The following DOCK2 variants were observed in gnomAD, a reference collection of about 807,000 sequenced individuals.
DOCK2 encodes the protein dedicator of cytokinesis 2.
A neutral mutation model predicts 248.9 loss-of-function variants in DOCK2; 87 were observed. The observed-to-expected ratio is 0.35, with a 90% CI of 0.29 to 0.42. DOCK2 has a LOEUF of 0.42. DOCK2 is among the 10% of genes least tolerant of loss of function. The probability of loss-of-function intolerance (pLI) is 1.00; values close to 1 mark genes in which losing one functional copy is unlikely to be tolerated. For missense variants in DOCK2, 1,747 were observed against 2,300.2 expected (o/e 0.76, Z 4.92); for synonymous variants, 805 against 821.6 (o/e 0.98, Z 0.35).
At chr5:169,962,896 C>A (rs1413388423) in intron 27 of DOCK2, among the ~76,000 whole-genome samples, 2 of 152,080 alleles carry the variant, frequency 1.3e-5, no homozygotes, top group Admixed American at 1.3e-4. Context: ...CCTTAGCTCC[C>A]CTGTCCCTGC....
intron 27 of DOCK2, among the ~76,000 whole-genome samples, chr5:169,898,601 A>G (rs929693377): frequency 1.3e-5 from 2 of 152,188 alleles, no homozygotes; most frequent in Admixed American, 1.3e-4. Context: ...AAAGAATGAC[A>G]GTTAAGCTCT....
chr5:169,975,776 T>C (rs2113773273), intron 27 of DOCK2, among the ~76,000 whole-genome samples: 1 of 152,362 alleles, frequency 6.6e-6, no homozygotes, highest in African/African-American at 2.4e-5. Context: ...GTTTAAAGTG[T>C]GTTCCCTCTG....
At chr5:169,772,118 G>A (rs984271510) in intron 25 of DOCK2, among the ~76,000 whole-genome samples, 2 of 152,186 alleles carry the variant, frequency 1.3e-5, no homozygotes, top group African/African-American at 4.8e-5. Context: ...GGACAGGGTT[G>A]CTGTAGACTG....
At chr5:169,855,469 G>A (rs971268221) in intron 27 of DOCK2, among the ~76,000 whole-genome samples, 2 of 152,192 alleles carry the variant, frequency 1.3e-5, no homozygotes, top group Non-Finnish European at 1.5e-5. Flanking sequence ...CTAGAGTGGC[G>A]TTAGATTATA....
rs776532282 is a variant in DOCK2 at position 169,996,086 on chromosome 5, G to A, written c.2994G>A (p.Arg998=). ...DWMAMSMVQN[R]VFLRAINKFA... ...CTGGTAATTTTCTGCCCTCTTCCAG[G>A]GTCTTCCTGAGAGCTATCAACAAGT... The change falls in exon 30 of 52, where the codon AGG becomes AGA. Residue 998 remains arginine (R), a splice_region_variant and synonymous_variant. Coordinates refer to ENST00000520908, the MANE Select transcript of DOCK2 (RefSeq NM_004946.3). 1 of 1,613,698 alleles carries A rather than the reference G, an allele frequency of 6.2e-7. No individual in the cohort carries two copies.
chr5:169,674,137 C>A (rs1310878699), intron 5 of DOCK2, among the ~76,000 whole-genome samples, 160 bp from the exon 6 acceptor site: 1 of 152,320 alleles, frequency 6.6e-6, no homozygotes, highest in East Asian at 1.9e-4. Flanking sequence ...AATACATCAA[C>A]GACTAGGACC....
intron 27 of DOCK2, among the ~76,000 whole-genome samples, chr5:169,853,287 G>A (rs192450469): frequency 6.6e-6 from 1 of 152,162 alleles, no homozygotes; most frequent in Admixed American, 6.5e-5. Flanking sequence ...CAGGAAAATG[G>A]ACTAATCCAC....
intron 17 of DOCK2, among the ~76,000 whole-genome samples, chr5:169,713,741 G>A (rs936503335): frequency 6.6e-6 from 1 of 152,290 alleles, no homozygotes; most frequent in Middle Eastern, 3.4e-3. Flanking sequence ...GAATTAAAAT[G>A]TACTGTCTGG....
chr5:169,698,406 G>T lies in DOCK2; in HGVS notation c.1012G>T (p.Ala338Ser), dbSNP rs776313136. The T allele has an allele frequency of 1.2e-6, 2 of 1,614,132 alleles. No homozygotes were observed. The highest frequency in any genetic ancestry group is 1.7e-6 in the Non-Finnish European group (2 of 1,179,956). Residue 338 changes from alanine to serine, a missense_variant, in exon 11 of 52, where the codon GCA becomes TCA. By Grantham distance (99) the Ala-to-Ser change is moderately conservative. Transcript: ENST00000520908. The stretch of plus-strand genomic sequence containing the variant: ...TATAACAGACATCATCAAGGGGAAA[G>T]CAGAGAGTGATGAAGAAAAGCAGCA... ...MDITDIIKGK[A>S]ESDEEKQHFI... is the part of the protein sequence containing the mutation.
At chr5:169,651,221 T>C (rs1005781357) in intron 1 of DOCK2, among the ~76,000 whole-genome samples, 1 of 152,234 alleles carries the variant, frequency 6.6e-6, no homozygotes, top group Admixed American at 6.5e-5. Context: ...CAGTCATGTC[T>C]GCTTTTCTTC....
intron 2 of DOCK2, among the ~76,000 whole-genome samples, chr5:169,655,341 G>A (rs1758047370): frequency 6.6e-6 from 1 of 152,208 alleles, no homozygotes; most frequent in South Asian, 2.1e-4. Flanking sequence ...AGAGGAAGAA[G>A]AGAGAGTGTA....
chr5:169,995,173 C>CGT (rs908777744), intron 29 of DOCK2, among the ~76,000 whole-genome samples: 9 of 151,816 alleles, frequency 5.9e-5, no homozygotes, highest in Non-Finnish European at 1.3e-4. Flanking sequence ...GGATTACTGG[C>CGT]GTGCACCACA....
At chr5:169,992,718 C>T (rs1035135927) in intron 29 of DOCK2, among the ~76,000 whole-genome samples, 4 of 152,146 alleles carry the variant, frequency 2.6e-5, no homozygotes, top group Non-Finnish European at 5.9e-5. Context: ...CCATCTCGGC[C>T]TCCCAAAGTG....
At chr5:170,082,174 G>T (rs1462747307) in intron 51 of DOCK2, among the ~76,000 whole-genome samples, 190 bp downstream of exon 51, 1 of 152,130 alleles carries the variant, frequency 6.6e-6, no homozygotes, top group African/African-American at 2.4e-5. Flanking sequence ...TGGGGCCTCA[G>T]GCAGCTCCTC....
At chr5:169,815,387 T>C (rs1768001970) in intron 26 of DOCK2, among the ~76,000 whole-genome samples, 1 of 152,232 alleles carries the variant, frequency 6.6e-6, no homozygotes, top group Non-Finnish European at 1.5e-5. Context: ...TATTGCATTA[T>C]CTGCCATTAC....
Position 169,949,154 on chromosome 5 carries a change from G to A in DOCK2, c.2800-33914G>A, listed in dbSNP as rs571709791. ...CTTTTTGAATATTCATGCAAAAGTC[G>A]AAGACTGTTCCATTTATGAATCAGT... On this transcript the variant is annotated intron_variant, in intron 27 of 51. Coordinates refer to ENST00000520908, the MANE Select transcript of DOCK2 (RefSeq NM_004946.3). Among the ~76,000 whole-genome samples, 62 of 152,244 alleles carry A rather than the reference G, an allele frequency of 4.1e-4. No individual in the cohort carries two copies. The South Asian group carries it at 8.9e-3, about 22-fold the overall frequency.
At chr5:169,925,568 A>C (rs1775396583) in intron 27 of DOCK2, among the ~76,000 whole-genome samples, 1 of 140,708 alleles carries the variant, frequency 7.1e-6, no homozygotes, top group South Asian at 2.4e-4. Flanking sequence ...CGACAGAGCA[A>C]GACTCTGTCT....
At chr5:169,939,211 T>TC (rs1368091831) in intron 27 of DOCK2, among the ~76,000 whole-genome samples, 7 of 151,368 alleles carry the variant, frequency 4.6e-5, no homozygotes, top group African/African-American at 1.5e-4. Flanking sequence ...GCCTTTTTTT[T>TC]TTTTTTAAAC....
intron 26 of DOCK2, among the ~76,000 whole-genome samples, chr5:169,807,341 C>T (rs990238041): frequency 4.6e-5 from 7 of 152,114 alleles, no homozygotes; most frequent in African/African-American, 9.7e-5. Context: ...GGGGTCCTGG[C>T]GTCCAGTAAC....
Sources: allele counts gnomAD v4.1 joint callset (sites outside exome capture counted in the v4.1 genomes callset), GRCh38; gene constraint gnomAD v4.1.1; transcripts MANE v1.5; gene names NCBI Gene and HGNC (gene_info 2026-07-23, HGNC 2026-07-21).